Variants in HERC1 observed in about 807,000 individuals in gnomAD.
The protein encoded by HERC1 is HECT and RLD domain containing E3 ubiquitin protein ligase family member 1.
In HERC1, 160 loss-of-function variants were observed where a neutral mutation model predicts 554.3. The observed-to-expected ratio is 0.29, with a 90% confidence interval of 0.25 to 0.33. HERC1 has a LOEUF of 0.33. Ranked by LOEUF, HERC1 falls within the 10% of genes least tolerant of loss-of-function variation. The pLI is 1.00. For synonymous variants in HERC1, 2,175 were observed against 2,131.7 expected (o/e 1.02, Z -0.56); for missense variants, 4,919 against 5,918.5 (o/e 0.83, Z 5.54).
At chr15:63,826,090 G>A (rs962772659) in intron 1 of HERC1, among the ~76,000 whole-genome samples, 21 of 152,078 alleles carry the variant, frequency 1.4e-4, no homozygotes, top group African/African-American at 2.9e-4. Context: ...AAAAGAAAAC[G>A]AATGGAATAT....
At position 63,830,014 on chromosome 15, in the gene HERC1, C is replaced by T. The variant is rs547477613; in HGVS notation, c.-27+3813G>A. Among the ~76,000 whole-genome samples the T allele has an allele frequency of 2.0e-5, 3 of 152,058 alleles. No individual in the cohort carries two copies. The South Asian group carries it at 6.2e-4, about 32-fold the overall frequency. ...CTTAAAGAATTCCAATTAATAAATG[C>T]AGAAGGAATGAGGGAAATACAAAAT... On this transcript the variant is annotated intron_variant, in intron 1 of 77. Coordinates refer to ENST00000443617, the MANE Select transcript of HERC1 (RefSeq NM_003922.4).
At chr15:63,652,381 T>C (rs754046648) in intron 52 of HERC1, 33 bp downstream of exon 52, 1 of 1,573,682 alleles carries the variant, frequency 6.4e-7, no homozygotes, top group East Asian at 2.3e-5. Flanking sequence ...ATTCTCTTAT[T>C]TTAAATGGTA....
intron 51 of HERC1, among the ~76,000 whole-genome samples, chr15:63,653,105 T>A (rs1296713792): frequency 1.3e-5 from 2 of 152,236 alleles, no homozygotes; most frequent in Non-Finnish European, 2.9e-5. Context: ...ACATTTTATG[T>A]TCTATAAAAT....
At chr15:63,621,013 T>C (rs1173612684) in intron 74 of HERC1, among the ~76,000 whole-genome samples, 2 of 152,226 alleles carry the variant, frequency 1.3e-5, no homozygotes, top group Non-Finnish European at 2.9e-5. Context: ...AGTATTGTTA[T>C]GTGTGAATTT....
At position 63,689,605 on chromosome 15, in the gene HERC1, T is replaced by G; in HGVS notation, c.6032A>C (p.Gln2011Pro). The change falls in exon 33 of 78, where the codon CAA becomes CCA. Residue 2011 changes from glutamine (Q) to proline (P), a missense_variant. Physicochemically the swap from Gln to Pro is moderately conservative, Grantham distance 76. Transcript: ENST00000443617. The part of the protein sequence containing the change: ...KHAIQIKEKE[Q>P]EIKLQKQGEL... ...ACCAATTACCTGTAGTTTTATTTCT[T>G]GTTCTTTTTCCTTTATCTGAATAGC... is the stretch of plus-strand genomic sequence containing the variant. 1.9e-6 allele frequency: 3 copies of G among 1,555,302 alleles called. No individual in the cohort carries two copies. The highest frequency in any genetic ancestry group is 2.6e-6 in the Non-Finnish European group (3 of 1,146,256).
chr15:63,613,921 C>CCA (rs1325129076), intron 76 of HERC1, among the ~76,000 whole-genome samples: 2 of 152,136 alleles, frequency 1.3e-5, no homozygotes, highest in Non-Finnish European at 2.9e-5. Flanking sequence ...GGTCAATACC[C>CCA]CACCAAAGTC....
At chr15:63,622,213 G>A (rs915268916) in intron 74 of HERC1, among the ~76,000 whole-genome samples, 1 of 152,008 alleles carries the variant, frequency 6.6e-6, no homozygotes, top group African/African-American at 2.4e-5. Flanking sequence ...GGCCATGTGG[G>A]CCTTCAGAAA....
intron 12 of HERC1, among the ~76,000 whole-genome samples, chr15:63,744,164 G>GTGTGTGTGTGTGTGTGTGTGTGTCTC: frequency 8.7e-5 from 4 of 46,220 alleles, no homozygotes; most frequent in East Asian, 9.9e-4. Flanking sequence ...GTGTGTGTGT[G>GTGTGTGTGTGTGTGTGTGTGTGTCTC]TCTCTCTCTC....
At chr15:63,616,348 A>G (rs2067817718) in intron 75 of HERC1, 82 bp downstream of exon 75, 1 of 1,403,778 alleles carries the variant, frequency 7.1e-7, no homozygotes, top group African/African-American at 1.4e-5. Flanking sequence ...GGAAGACTGT[A>G]TCTCAATTTT....
intron 37 of HERC1, among the ~76,000 whole-genome samples, chr15:63,676,764 A>C (rs2071232833): frequency 6.6e-6 from 1 of 152,242 alleles, no homozygotes; most frequent in Non-Finnish European, 1.5e-5. Context: ...TCAAAAAAAT[A>C]AATAATAAAA....
chr15:63,612,431 T>C lies in HERC1; in HGVS notation c.14220A>G (p.Lys4740=). The C allele has an allele frequency of 6.2e-7, 1 of 1,614,012 alleles. No individual in the cohort carries two copies. Among genetic ancestry groups the C allele is most frequent in the African/African-American group, 1.3e-5 (1 of 75,042 alleles). Residue 4740 remains lysine (K), a synonymous_variant, in exon 77 of 78, where the codon AAA becomes AAG. Coordinates refer to ENST00000443617, the MANE Select transcript of HERC1 (RefSeq NM_003922.4). This position sits in a 1 kb window ranked among gnomAD's most constrained non-coding sequence, Gnocchi z 5.0. The stretch of plus-strand genomic sequence containing the variant: ...CATCCACCTCACGGTACCGCACCAC[T>C]TTCTTCAAGACTTCCACAGAGATCT... The part of the protein sequence containing the change: ...MPEISVEVLK[K]VVRYREVDEQ...
intron 1 of HERC1, among the ~76,000 whole-genome samples, chr15:63,817,821 T>C (rs2077545984): frequency 6.6e-6 from 1 of 152,146 alleles, no homozygotes; most frequent in African/African-American, 2.4e-5. Context: ...AAGTTCAATA[T>C]TGGGTACATG....
intron 8 of HERC1, 39 bp downstream of exon 8, chr15:63,752,919 A>G: frequency 6.3e-7 from 1 of 1,580,496 alleles, no homozygotes; most frequent in Non-Finnish European, 8.6e-7. Flanking sequence ...TAATCCTCTG[A>G]AATACTCTAA....
In HERC1 at chr15:63,669,566, G is replaced by A. The variant is rs1430287820; in HGVS notation, c.8178C>T (p.Ser2726=). The A allele has an allele frequency of 5.0e-6, 8 of 1,613,796 alleles. No homozygotes were observed. Among genetic ancestry groups the A allele is most frequent in the South Asian group, 1.1e-5 (1 of 91,078 alleles). Residue 2726 remains serine, a synonymous_variant, in exon 40 of 78, where the codon TCC becomes TCT. Transcript: ENST00000443617. The part of the protein sequence containing the change: ...GRRQSLTSPD[S]QSARPANRTA... ...TGCGGTTAGCTGGCCTTGCTGACTG[G>A]GAATCAGGAGAAGTTAAACTTTGCC...
In HERC1 at chr15:63,630,484, C is replaced by T. The variant is rs1361980878; in HGVS notation, c.12948G>A (p.Gly4316=). 2.5e-6 allele frequency: 4 copies of T among 1,612,684 alleles called. No homozygotes were observed. The highest frequency in any genetic ancestry group is 2.7e-5 in the African/African-American group (2 of 74,832). Residue 4316 remains glycine, a synonymous_variant, in exon 69 of 78, where the codon GGG becomes GGA. Transcript: ENST00000443617. ...LASNGDVYAW[G]SNSEGQLGLG... ...TATTTACCTGCCCTTCTGAATTGCT[C>T]CCCCAGGCATACACATCTCCATTTG...
intron 74 of HERC1, among the ~76,000 whole-genome samples, chr15:63,617,549 G>C (rs1484246257): frequency 6.6e-6 from 1 of 152,156 alleles, no homozygotes; most frequent in Non-Finnish European, 1.5e-5. Flanking sequence ...GGGTCAAATG[G>C]TATTTCTAGT....
intron 58 of HERC1, 56 bp downstream of exon 58, chr15:63,643,348 T>G: frequency 6.9e-7 from 1 of 1,443,128 alleles, no homozygotes; most frequent in Non-Finnish European, 9.5e-7. Flanking sequence ...TTATCACATG[T>G]GTTTAAGTTA....
intron 64 of HERC1, among the ~76,000 whole-genome samples, chr15:63,636,757 T>A (rs1412068002): frequency 6.6e-6 from 1 of 152,198 alleles, no homozygotes; most frequent in Non-Finnish European, 1.5e-5. Context: ...TACTTTCACA[T>A]AGCACCTATG....
Position 63,694,071 on chromosome 15 carries a change from G to A in HERC1, c.5567C>T (p.Thr1856Ile). The A allele has an allele frequency of 6.2e-7, 1 of 1,609,416 alleles. No individual in the cohort carries two copies. The highest frequency in any genetic ancestry group is 8.5e-7 in the Non-Finnish European group (1 of 1,177,752). ...GAAAGAGGCCATATGTAGTACACCA[G>A]TTTGGGACAATAAATTCTTCAACTG... is the stretch of plus-strand genomic sequence containing the variant. ...CSQLKNLLSQ[T>I]GVLHMASFGE... Residue 1856 changes from threonine to isoleucine, a missense_variant, in exon 30 of 78, where the codon ACT becomes ATT. This residue lies in a region of HERC1 where 1,121 missense variants were observed against 1,244.0 expected (regional missense o/e 0.90). Transcript: ENST00000443617. This position sits in a 1 kb window ranked among gnomAD's most constrained non-coding sequence, Gnocchi z 4.3.
Sources: allele counts gnomAD v4.1 joint callset (sites outside exome capture counted in the v4.1 genomes callset), GRCh38; gene constraint gnomAD v4.1.1; regional missense constraint gnomAD v4.1.1; non-coding constraint Gnocchi (gnomAD v3.1); transcripts MANE v1.5; gene names NCBI Gene and HGNC (gene_info 2026-07-23, HGNC 2026-07-21).